SPON1: variants seen among roughly 807,000 people sequenced by gnomAD.
SPON1 encodes spondin-1.
A neutral mutation model predicts 111.7 loss-of-function variants in SPON1; 52 were observed. The observed-to-expected ratio is 0.47, with a 90% CI of 0.37 to 0.59. SPON1 has a LOEUF of 0.59. SPON1 is among the 20% of genes least tolerant of loss of function. The probability of loss-of-function intolerance (pLI) is 0.00; values close to 1 mark genes in which losing one functional copy is unlikely to be tolerated. For missense variants in SPON1, 957 were observed against 1,068.5 expected, an observed-to-expected ratio of 0.90 and a Z score of 1.46; for synonymous variants, 410 against 395.8, an observed-to-expected ratio of 1.04 and a Z score of -0.43.
chr11:14,088,430 GTTTC>G (rs1849023971), intron 5 of SPON1, among the ~76,000 whole-genome samples: 2 of 152,100 alleles, frequency 1.3e-5, no homozygotes, highest in African/African-American at 2.4e-5. Context: ...TTGAAAATTC[GTTTC>G]TTTAAGAATG....
intron 1 of SPON1, among the ~76,000 whole-genome samples, chr11:13,976,757 T>C (rs568689818): frequency 3.9e-5 from 6 of 152,176 alleles, no homozygotes; most frequent in South Asian, 4.1e-4. Context: ...AATTATCACA[T>C]GTTGAATATA....
chr11:14,195,718 A>G (rs190650941), intron 6 of SPON1, among the ~76,000 whole-genome samples: 1 of 152,314 alleles, frequency 6.6e-6, no homozygotes, highest in African/African-American at 2.4e-5. Context: ...ACAGTCCTAC[A>G]AGGCATAGTC....
At position 14,082,227 on chromosome 11, in the gene SPON1, T is replaced by C. The variant is rs571590051; in HGVS notation, c.676+2206T>C. Among the ~76,000 whole-genome samples, 4 of 152,192 alleles carry C rather than the reference T, an allele frequency of 2.6e-5. No individual in the cohort carries two copies. In the South Asian group the frequency reaches 6.2e-4, roughly 24 times the overall value. On this transcript the variant is annotated intron_variant, in intron 5 of 15. Coordinates refer to ENST00000576479, the MANE Select transcript of SPON1 (RefSeq NM_006108.4). ...TTCTGGGTCTTTGGGCCAAATCAAG[T>C]ACAAATCTATACAGAGTTTCTGTGG...
At chr11:14,124,288 C>T (rs1304598869) in intron 5 of SPON1, among the ~76,000 whole-genome samples, 1 of 152,158 alleles carries the variant, frequency 6.6e-6, no homozygotes, top group Non-Finnish European at 1.5e-5. Context: ...ATTATTTTGT[C>T]TACAAAAATA....
At chr11:14,222,788 G>A (rs1848695025) in intron 6 of SPON1, among the ~76,000 whole-genome samples, 4 of 152,138 alleles carry the variant, frequency 2.6e-5, no homozygotes. Flanking sequence ...GATTTATAAT[G>A]TTTGCCAGTT....
chr11:14,249,718 T>A (rs1370490546), intron 7 of SPON1, among the ~76,000 whole-genome samples: 1 of 152,222 alleles, frequency 6.6e-6, no homozygotes, highest in Admixed American at 6.5e-5. Flanking sequence ...CCTCTTTTCT[T>A]TTATGGTGTT....
chr11:14,122,401 C>T (rs1448586292), intron 5 of SPON1, among the ~76,000 whole-genome samples: 1 of 152,158 alleles, frequency 6.6e-6, no homozygotes, highest in Non-Finnish European at 1.5e-5. Flanking sequence ...TCTTGATCTC[C>T]TGACCTCGTG....
chr11:14,207,378 TAG>T (rs1265306774), intron 6 of SPON1, among the ~76,000 whole-genome samples: 15 of 151,494 alleles, frequency 9.9e-5, no homozygotes, highest in Non-Finnish European at 4.4e-5. Flanking sequence ...GGTTTCTAAT[TAG>T]AGCTTCTGCA....
At chr11:14,159,339 C>T (rs185012540) in intron 6 of SPON1, among the ~76,000 whole-genome samples, 207 of 152,166 alleles carry the variant, frequency 1.4e-3, no homozygotes, top group Non-Finnish European at 2.0e-3. Context: ...GCTATTATCT[C>T]ACCCCAGTTA....
intron 6 of SPON1, among the ~76,000 whole-genome samples, chr11:14,165,430 T>C (rs1848017471): frequency 6.6e-6 from 1 of 152,178 alleles, no homozygotes; most frequent in Non-Finnish European, 1.5e-5. Context: ...TAGAACCACT[T>C]TGCAATTGTC....
chr11:14,061,565 A>G (rs1848791190), intron 3 of SPON1, among the ~76,000 whole-genome samples: 1 of 152,262 alleles, frequency 6.6e-6, no homozygotes, highest in South Asian at 2.1e-4. Context: ...TATCACTTCC[A>G]GTAAATCATG....
At chr11:13,989,835 T>G (rs563624659) in intron 2 of SPON1, among the ~76,000 whole-genome samples, 1 of 152,348 alleles carries the variant, frequency 6.6e-6, no homozygotes, top group Non-Finnish European at 1.5e-5. Flanking sequence ...CGTTGTTCAG[T>G]TTCCATGTAG....
chr11:14,252,345 T>C (rs7114797), intron 7 of SPON1, among the ~76,000 whole-genome samples: 27 of 109,732 alleles, frequency 2.5e-4, no homozygotes, highest in African/African-American at 7.1e-4. Context: ...GCGCTATGTA[T>C]CTGCCTCAGC....
chr11:14,190,644 CTTTTTTTTTT>C (rs67284211), intron 6 of SPON1, among the ~76,000 whole-genome samples: 5 of 130,640 alleles, frequency 3.8e-5, no homozygotes, highest in African/African-American at 1.4e-4. Flanking sequence ...TTTTCTTTTT[CTTTTTTTTTT>C]TTTTGAGACA....
intron 3 of SPON1, among the ~76,000 whole-genome samples, chr11:14,054,793 C>T (rs1166148700): frequency 1.3e-5 from 2 of 152,156 alleles, no homozygotes; most frequent in African/African-American, 4.8e-5. Flanking sequence ...CAATCAGAGC[C>T]CTTGGAACAG....
intron 5 of SPON1, among the ~76,000 whole-genome samples, chr11:14,132,007 A>G (rs1215941698): frequency 7.9e-5 from 12 of 152,260 alleles, no homozygotes; most frequent in Admixed American, 7.9e-4. Flanking sequence ...GGTCGGGCGC[A>G]GTGGCTCACG....
chr11:14,111,561 T>C (rs1315859684), intron 5 of SPON1, among the ~76,000 whole-genome samples: 1 of 152,212 alleles, frequency 6.6e-6, no homozygotes, highest in Admixed American at 6.5e-5. Flanking sequence ...TACACAAAAC[T>C]GCTGAAGCTA....
chr11:14,130,154 A>C (rs936268104), intron 5 of SPON1, among the ~76,000 whole-genome samples: 2 of 152,224 alleles, frequency 1.3e-5, no homozygotes, highest in African/African-American at 2.4e-5. Flanking sequence ...AATCAGCCCA[A>C]GCTCACAGAG....
At position 14,259,338 on chromosome 11, in the gene SPON1, C is replaced by A; in HGVS notation, c.1551C>A (p.Cys517Ter). Residue 517 changes from cysteine (C) to a stop codon, truncating the protein, a stop_gained, in exon 12 of 16, where the codon TGC becomes TGA. Transcript: ENST00000576479. LOFTEE classifies it high-confidence loss of function. The surrounding 1 kb of genome is among the most constrained non-coding windows in gnomAD (Gnocchi z 5.0). Reference sequence around the variant, plus strand: ...CCTGGTCGCCCTGCAGCATCTCCTGCGGCATGGGCATGAGGTCCCGGGAGA... The same window carrying A: ...CCTGGTCGCCCTGCAGCATCTCCTGAGGCATGGGCATGAGGTCCCGGGAGA... Reference protein sequence around the residue: ...WITWSPCSISCGMGMRSRERY... With the variant: ...WITWSPCSIS 8 of 1,613,058 alleles carry A rather than the reference C, an allele frequency of 5.0e-6. No individual in the cohort carries two copies. Among genetic ancestry groups the A allele is most frequent in the Non-Finnish European group, 5.9e-6 (7 of 1,179,628 alleles).
Sources: allele counts gnomAD v4.1 joint callset (sites outside exome capture counted in the v4.1 genomes callset), GRCh38; gene constraint gnomAD v4.1.1; non-coding constraint Gnocchi (gnomAD v3.1); transcripts MANE v1.5; gene names NCBI Gene and HGNC (gene_info 2026-07-23, HGNC 2026-07-21).